The following MAF variants were observed in gnomAD, a reference collection of about 807,000 sequenced individuals.
The protein encoded by MAF is MAF bZIP transcription factor.
MAF carries 10 observed loss-of-function variants against 22.0 expected under a neutral mutation model. That is an observed-to-expected ratio of 0.45 (90% CI 0.28 to 0.77). The LOEUF is 0.77. Ranked by LOEUF, MAF falls within the 30% of genes least tolerant of loss-of-function variation. The probability of loss-of-function intolerance (pLI) is 0.12; values close to 1 mark genes in which losing one functional copy is unlikely to be tolerated. For missense variants in MAF, 544 were observed against 548.4 expected (o/e 0.99, Z 0.08); for synonymous variants, 337 against 255.8 (o/e 1.32, Z -3.03).
At chr16:79,375,785 T>C in the MAF span, among the ~76,000 whole-genome samples, 9 of 152,214 alleles carry the variant, frequency 5.9e-5, no homozygotes, top group Non-Finnish European at 1.2e-4. Flanking sequence ...CCCTTTTCTC[T>C]GTCCTGCTGC....
chr16:79,478,831 C>T, the MAF span, among the ~76,000 whole-genome samples: 16 of 148,994 alleles, frequency 1.1e-4, no homozygotes, highest in Non-Finnish European at 1.2e-4. Context: ...TACCTGTATC[C>T]CATCATGGGA....
At chr16:79,404,291 G>T in the MAF span, among the ~76,000 whole-genome samples, 1 of 151,358 alleles carries the variant, frequency 6.6e-6, no homozygotes, top group Non-Finnish European at 1.5e-5. Flanking sequence ...AGCCTCCGGA[G>T]TAGCTGGGAC....
At chr16:79,213,689 G>C in the MAF span, among the ~76,000 whole-genome samples, 1 of 152,272 alleles carries the variant, frequency 6.6e-6, no homozygotes, top group South Asian at 2.1e-4. Flanking sequence ...GCATCCAGCA[G>C]TTAGTTAGTT....
the MAF span, among the ~76,000 whole-genome samples, chr16:79,497,358 C>T: frequency 2.0e-5 from 3 of 152,132 alleles, no homozygotes; most frequent in African/African-American, 7.2e-5. Flanking sequence ...GCCATGTATG[C>T]CCCTCAACTC....
At chr16:79,474,244 G>A in the MAF span, among the ~76,000 whole-genome samples, 1 of 152,188 alleles carries the variant, frequency 6.6e-6, no homozygotes, top group Non-Finnish European at 1.5e-5. Flanking sequence ...GATCCTGCTG[G>A]AAACCTTAAC....
At chr16:79,449,020 G>A in the MAF span, among the ~76,000 whole-genome samples, 1 of 152,134 alleles carries the variant, frequency 6.6e-6, no homozygotes, top group Admixed American at 6.5e-5. Context: ...CCCCGAGATT[G>A]TTTTCCTCCA....
the MAF span, among the ~76,000 whole-genome samples, chr16:79,519,807 C>T: frequency 6.6e-6 from 1 of 152,272 alleles, no homozygotes; most frequent in Admixed American, 6.5e-5. Flanking sequence ...AGGTAGCCAG[C>T]TGTGGTCCTG....
chr16:79,495,865 G>A, the MAF span, among the ~76,000 whole-genome samples: 18 of 152,086 alleles, frequency 1.2e-4, no homozygotes, highest in Non-Finnish European at 2.1e-4. Flanking sequence ...CCATGGACAC[G>A]GGAAGGAACA....
At chr16:79,224,319 GC>G in the MAF span, among the ~76,000 whole-genome samples, 3 of 152,204 alleles carry the variant, frequency 2.0e-5, no homozygotes, top group South Asian at 2.1e-4. Flanking sequence ...AACCCTTCAT[GC>G]TAAAACTCTC....
chr16:79,221,707 G>C, the MAF span, among the ~76,000 whole-genome samples: 19 of 152,004 alleles, frequency 1.2e-4, no homozygotes, highest in Non-Finnish European at 1.9e-4. Flanking sequence ...GAGTGTATGT[G>C]ATTGTGTATG....
chr16:79,356,182 GCA>G, the MAF span, among the ~76,000 whole-genome samples: 1,020 of 150,392 alleles, frequency 6.8e-3, 5 homozygotes, highest in Middle Eastern at 0.014. Flanking sequence ...TCATACATGT[GCA>G]CACACACACA....
the MAF span, among the ~76,000 whole-genome samples, chr16:79,577,041 G>C: frequency 1.1e-4 from 17 of 152,136 alleles, no homozygotes; most frequent in Non-Finnish European, 1.6e-4. Flanking sequence ...TTAACGAAAT[G>C]TGCCATCTAT....
chr16:79,295,043 A>C, the MAF span, among the ~76,000 whole-genome samples: 1 of 145,460 alleles, frequency 6.9e-6, no homozygotes, highest in East Asian at 2.1e-4. Flanking sequence ...TAATGCTAGA[A>C]GCTAATGCAG....
At chr16:79,555,598 T>C in the MAF span, among the ~76,000 whole-genome samples, 1 of 152,146 alleles carries the variant, frequency 6.6e-6, no homozygotes, top group African/African-American at 2.4e-5. Flanking sequence ...ATCCAAAAAT[T>C]TGAAGTCCAA....
chr16:79,347,553 C>A, the MAF span, among the ~76,000 whole-genome samples: 1 of 152,176 alleles, frequency 6.6e-6, no homozygotes. Flanking sequence ...TCCCTATTAT[C>A]GAGAAAAGTT....
the MAF span, among the ~76,000 whole-genome samples, chr16:79,418,915 T>G: frequency 7.4e-4 from 113 of 152,252 alleles, no homozygotes; most frequent in Non-Finnish European, 1.4e-3. Flanking sequence ...GCTGCTGCCT[T>G]CCCCATAATA....
the MAF span, among the ~76,000 whole-genome samples, chr16:79,281,762 G>C: frequency 3.3e-5 from 5 of 151,988 alleles, no homozygotes; most frequent in Non-Finnish European, 7.4e-5. Flanking sequence ...GGCCAGGATG[G>C]TCTCCATCTC....
chr16:79,244,099 A>G, the MAF span, among the ~76,000 whole-genome samples: 1 of 152,092 alleles, frequency 6.6e-6, no homozygotes, highest in East Asian at 1.9e-4. Context: ...ACAAATCCAC[A>G]GCCAGTATCA....
chr16:79,301,089 A>G, the MAF span, among the ~76,000 whole-genome samples: 406 of 152,236 alleles, frequency 2.7e-3, 4 homozygotes, highest in Middle Eastern at 6.8e-3. Context: ...AGTCTCAACA[A>G]AGAGCCGTCC....
Sources: gnomAD v4.1 joint callset for allele counts (sites outside exome capture counted in the v4.1 genomes callset) on GRCh38, gnomAD v4.1.1 for gene constraint, MANE v1.5 for transcripts, NCBI Gene and HGNC (gene_info 2026-07-23, HGNC 2026-07-21) for gene names.